PRSS48: variants seen among roughly 807,000 people sequenced by gnomAD.
PRSS48 encodes the protein epidermis-specific serine protease-like protein.
PRSS48 carries 21 observed loss-of-function variants against 25.6 expected under a neutral mutation model. The ratio of observed to expected loss-of-function variants is 0.82; its 90% CI spans 0.58 to 1.18. The LOEUF (loss-of-function observed/expected upper bound fraction) is 1.18, where lower values mean the gene tolerates loss of function less well. Ranked by LOEUF, PRSS48 falls within the 50% of genes most tolerant of loss-of-function variation. The pLI is 0.00. For missense variants in PRSS48, 373 were observed against 399.3 expected (o/e 0.93, Z 0.56); for synonymous variants, 150 against 149.3 (o/e 1.00, Z -0.04).
At position 151,286,415 on chromosome 4, in the gene PRSS48, T is replaced by C. The variant is rs780053036; in HGVS notation, c.651+3129T>C. ...GTTAAAAATAAAACTGGGACATTAC[T>C]ACCAACCTTACAGAAATAAAAAGAA... is the stretch of plus-strand genomic sequence containing the variant. On this transcript the variant is annotated intron_variant, in intron 4 of 4. Transcript: ENST00000455694. 4.1e-4 allele frequency among the ~76,000 whole-genome samples: 62 copies of C among 150,912 alleles called. No homozygotes were observed. In the Middle Eastern group the frequency reaches 0.01, roughly 25 times the overall value.
intron 4 of PRSS48, among the ~76,000 whole-genome samples, chr4:151,290,623 T>A (rs1775227844): frequency 6.6e-6 from 1 of 152,198 alleles, no homozygotes; most frequent in African/African-American, 2.4e-5. Flanking sequence ...TGGTGATGGT[T>A]GTACAACACT....
At chr4:151,284,411 G>A (rs1774539784) in intron 4 of PRSS48, among the ~76,000 whole-genome samples, 1 of 151,940 alleles carries the variant, frequency 6.6e-6, no homozygotes. Flanking sequence ...ATGACCATTT[G>A]GTTTTATTCT....
chr4:151,278,965 T>C (rs184992935), intron 1 of PRSS48: 51 of 234,058 alleles, frequency 2.2e-4, no homozygotes, highest in Non-Finnish European at 4.0e-4. Flanking sequence ...TATTGGTTCA[T>C]TTATGTAGTC....
rs749141626 is a variant in PRSS48, at chr4:151,277,202, G to T, written c.30G>T (p.Leu10=). ...GCCCTGCTGGCTGTGCCTTCACGCT[G>T]CTCCTTCTGCTGGGGATCTCAGGTG... Residue 10 remains leucine (L), a synonymous_variant, in exon 1 of 5, where the codon CTG becomes CTT. Transcript: ENST00000455694. 1.4e-5 allele frequency: 21 copies of T among 1,501,154 alleles called. No homozygotes were observed. The Admixed American group carries it at 3.9e-4, about 28-fold the overall frequency. The allele number at this position is 1,501,154 out of a possible 1,614,324, so 93.0% of individuals were successfully genotyped here. A position where few individuals can be genotyped will look rare whatever the true frequency, so the allele number is the denominator to read the frequency against.
chr4:151,291,360 C>T, exon 5 of PRSS48: 2 of 1,614,000 alleles, frequency 1.2e-6, no homozygotes. Context: ...TTGGACCTAA[C>T]ACTATACACA....
chr4:151,287,421 G>A (rs1774914839), intron 4 of PRSS48, among the ~76,000 whole-genome samples: 1 of 150,814 alleles, frequency 6.6e-6, no homozygotes, highest in Non-Finnish European at 1.5e-5. Context: ...CCTGACAAAG[G>A]CATCACAAGG....
chr4:151,281,099 G>A (rs936068245), intron 2 of PRSS48, among the ~76,000 whole-genome samples: 8 of 148,474 alleles, frequency 5.4e-5, no homozygotes, highest in Non-Finnish European at 1.2e-4. Context: ...AAAGGATAAA[G>A]AAAGTGCCAA....
At chr4:151,278,957 T>C (rs983631635) in intron 1 of PRSS48, 1 of 220,152 alleles carries the variant, frequency 4.5e-6, no homozygotes, top group East Asian at 1.1e-4. Flanking sequence ...CATTTGTCTA[T>C]TGGTTCATTT....
chr4:151,286,181 A>ACAG (rs1460222098), intron 4 of PRSS48, among the ~76,000 whole-genome samples: 7 of 92,398 alleles, frequency 7.6e-5, no homozygotes, highest in African/African-American at 2.1e-4. Flanking sequence ...ACCCTGTCTT[A>ACAG]AAGAAAAAAA....
chr4:151,288,416 A>G (rs1478958533), intron 4 of PRSS48, among the ~76,000 whole-genome samples: 3 of 152,194 alleles, frequency 2.0e-5, no homozygotes, highest in African/African-American at 7.2e-5. Flanking sequence ...TAATAAACAC[A>G]TTCAGCAAAA....
chr4:151,288,052 A>AC (rs56006473), intron 4 of PRSS48, among the ~76,000 whole-genome samples: 144,708 of 151,968 alleles, frequency 0.95, 69,105 homozygotes, highest in Non-Finnish European at 0.99. Flanking sequence ...TATGGAAAAA[A>AC]ATTTGACAAA....
At chr4:151,289,983 C>A (rs1775165235) in intron 4 of PRSS48, among the ~76,000 whole-genome samples, 1 of 152,176 alleles carries the variant, frequency 6.6e-6, no homozygotes, top group African/African-American at 2.4e-5. Flanking sequence ...GAAACAGGGT[C>A]TTGCTCTGTC....
intron 4 of PRSS48, among the ~76,000 whole-genome samples, chr4:151,286,643 A>G (rs1315270206): frequency 1.3e-5 from 2 of 151,518 alleles, no homozygotes; most frequent in Admixed American, 1.3e-4. Flanking sequence ...GACCAGGTCC[A>G]GATAGAATTC....
intron 1 of PRSS48, among the ~76,000 whole-genome samples, chr4:151,279,514 G>A (rs753026565): frequency 2.6e-5 from 4 of 152,202 alleles, no homozygotes; most frequent in Non-Finnish European, 4.4e-5. Flanking sequence ...TCTGTTCAGT[G>A]AATCTAGATA....
exon 4 of PRSS48, chr4:151,283,186 T>C: frequency 6.2e-7 from 1 of 1,613,854 alleles, no homozygotes; most frequent in Non-Finnish European, 8.5e-7. Context: ...TGTGAACAGC[T>C]CTACAATCCC....
chr4:151,282,270 C>T, exon 3 of PRSS48: 2 of 1,613,958 alleles, frequency 1.2e-6, no homozygotes, highest in Non-Finnish European at 1.7e-6. Context: ...GATACAACGG[C>T]AGACGTCGCC....
At chr4:151,282,265 A>G in exon 3 of PRSS48, 1 of 1,613,972 alleles carries the variant, frequency 6.2e-7, no homozygotes, top group Non-Finnish European at 8.5e-7. Context: ...ACCAAGATAC[A>G]ACGGCAGACG....
intron 2 of PRSS48, among the ~76,000 whole-genome samples, chr4:151,281,141 C>T (rs891355675): frequency 6.6e-6 from 1 of 152,068 alleles, no homozygotes; most frequent in Non-Finnish European, 1.5e-5. Context: ...CAGATTAGAA[C>T]AAGAGAGCAG....
Position 151,283,400 on chromosome 4 carries a change from A to G in PRSS48, c.651+114A>G, listed in dbSNP as rs1415486151. ...GAGTCAGGAGATGAGGGTTCTAAGAATAACTCTTATGTTACCCTGGACAAA... is the reference window on the plus strand; with the variant it reads ...GAGTCAGGAGATGAGGGTTCTAAGAGTAACTCTTATGTTACCCTGGACAAA... On this transcript the variant is annotated intron_variant, in intron 4 of 4. Coordinates refer to ENST00000455694, the Ensembl canonical transcript of PRSS48. The G allele has an allele frequency of 4.7e-6, 4 of 854,828 alleles. No homozygotes were observed. The highest frequency in any genetic ancestry group is 2.5e-5 in the East Asian group (1 of 39,318). 53.0% of individuals were successfully genotyped at this position (854,828 alleles called of 1,614,324 possible).
Sources: allele counts gnomAD v4.1 joint callset (sites outside exome capture counted in the v4.1 genomes callset), GRCh38; gene constraint gnomAD v4.1.1; transcripts MANE v1.5; gene names NCBI Gene and HGNC (gene_info 2026-07-23, HGNC 2026-07-21).